The following POU6F2 variants were observed in gnomAD, a reference collection of about 807,000 sequenced individuals.
The protein encoded by POU6F2 is POU domain, class 6, transcription factor 2.
POU6F2 carries 31 observed loss-of-function variants against 71.3 expected under a neutral mutation model. The ratio of observed to expected loss-of-function variants is 0.43; its 90% CI spans 0.33 to 0.59. The LOEUF is 0.59. Ranked by LOEUF, POU6F2 falls within the 20% of genes least tolerant of loss-of-function variation. POU6F2 has a pLI of 0.04. For synonymous variants in POU6F2, 347 were observed against 355.7 expected (o/e 0.98, Z 0.27); for missense variants, 783 against 856.8 (o/e 0.91, Z 1.07).
At chr7:39,138,757 C>T (rs1268586290) in intron 2 of POU6F2, among the ~76,000 whole-genome samples, 30 of 152,164 alleles carry the variant, frequency 2.0e-4, no homozygotes, top group Admixed American at 2.0e-3. Context: ...AAATCATCCC[C>T]AAACCACCCC....
intron 5 of POU6F2, among the ~76,000 whole-genome samples, chr7:39,378,759 A>G (rs771204555): frequency 6.6e-6 from 1 of 152,216 alleles, no homozygotes; most frequent in South Asian, 2.1e-4. Flanking sequence ...AGGAACACCA[A>G]TGTGAAATCC....
At chr7:39,262,775 C>T (rs986789953) in intron 4 of POU6F2, among the ~76,000 whole-genome samples, 7 of 152,092 alleles carry the variant, frequency 4.6e-5, no homozygotes, top group South Asian at 2.1e-4. Flanking sequence ...ACATGAATCA[C>T]GGAGTCGGAC....
intron 2 of POU6F2, among the ~76,000 whole-genome samples, chr7:39,160,607 T>C (rs1562728249): frequency 3.3e-5 from 5 of 152,178 alleles, no homozygotes; most frequent in Non-Finnish European, 1.5e-5. Context: ...TTCTGGACTT[T>C]TGCTCCAGCC....
At chr7:39,406,447 C>CG (rs34498132) in intron 5 of POU6F2, 153 bp from the exon 6 acceptor site, 161 of 793,454 alleles carry the variant, frequency 2.0e-4, no homozygotes, top group African/African-American at 1.7e-3. Context: ...CCAGAGCTTC[C>CG]GGGGGAATGT....
chr7:39,252,490 A>G (rs1476040782), intron 4 of POU6F2, among the ~76,000 whole-genome samples: 1 of 151,982 alleles, frequency 6.6e-6, no homozygotes, highest in African/African-American at 2.4e-5. Flanking sequence ...ACTAACCAAC[A>G]GCTTGAAATA....
At chr7:39,023,527 T>C (rs1789726983) in intron 1 of POU6F2, among the ~76,000 whole-genome samples, 1 of 152,014 alleles carries the variant, frequency 6.6e-6, no homozygotes, top group South Asian at 2.1e-4. Flanking sequence ...CATCCTATAA[T>C]GTACAGGACA....
chr7:39,158,197 A>G (rs1463548625), intron 2 of POU6F2, among the ~76,000 whole-genome samples: 1 of 152,206 alleles, frequency 6.6e-6, no homozygotes, highest in Middle Eastern at 3.2e-3. Context: ...TGTTGCTCAT[A>G]GTACTCAATA....
chr7:39,160,158 A>T (rs77936136), intron 2 of POU6F2, among the ~76,000 whole-genome samples: 98 of 152,298 alleles, frequency 6.4e-4, no homozygotes, highest in Non-Finnish European at 1.2e-3. Context: ...GCCAATATGG[A>T]GCATATGTCA....
rs558969979 is a variant in POU6F2 at position 39,436,120 on chromosome 7, C to A, written c.1320+2837C>A. Among the ~76,000 whole-genome samples the A allele has an allele frequency of 1.5e-4, 23 of 152,180 alleles. 1 individual carries two copies. In the South Asian group the frequency reaches 4.8e-3, roughly 32 times the overall value. On this transcript the variant is annotated intron_variant, in intron 7 of 9. Transcript: ENST00000518318. ...TGGCTATATGGGGTCTTCTTTGATT[C>A]CATATGAAATTTAAAATAGTTTTTT...
At chr7:39,124,473 C>T (rs1395752971) in intron 2 of POU6F2, among the ~76,000 whole-genome samples, 2 of 152,094 alleles carry the variant, frequency 1.3e-5, no homozygotes, top group Non-Finnish European at 2.9e-5. Flanking sequence ...GAATAACTTC[C>T]CAGACGGTGG....
chr7:39,451,407 C>A, intron 7 of POU6F2, 126 bp from the exon 8 acceptor site: 1 of 1,060,592 alleles, frequency 9.4e-7, no homozygotes, highest in Non-Finnish European at 1.3e-6. Flanking sequence ...AGGGTGCGCA[C>A]TCTTCCTGAG....
chr7:39,424,537 A>G (rs1320922621), intron 6 of POU6F2, among the ~76,000 whole-genome samples: 1 of 152,166 alleles, frequency 6.6e-6, no homozygotes, highest in Non-Finnish European at 1.5e-5. Flanking sequence ...TACATTTCCT[A>G]GACACCGATT....
intron 7 of POU6F2, among the ~76,000 whole-genome samples, chr7:39,446,759 GTCC>G (rs1421520880): frequency 6.6e-6 from 1 of 152,188 alleles, no homozygotes; most frequent in East Asian, 1.9e-4. Context: ...TGGACATCCG[GTCC>G]TCCTCCTCTG....
intron 2 of POU6F2, among the ~76,000 whole-genome samples, chr7:39,185,633 G>A (rs528524538): frequency 6.6e-6 from 1 of 152,058 alleles, no homozygotes; most frequent in Non-Finnish European, 1.5e-5. Flanking sequence ...CCTCTTTCAG[G>A]TGATCTCCTG....
At chr7:39,129,630 TAG>T (rs201324981) in intron 2 of POU6F2, among the ~76,000 whole-genome samples, 164 of 109,190 alleles carry the variant, frequency 1.5e-3, no homozygotes, top group Middle Eastern at 4.6e-3. Flanking sequence ...GATATATAGA[TAG>T]ATAGATAGAT....
chr7:39,152,649 G>A (rs940891480), intron 2 of POU6F2, among the ~76,000 whole-genome samples: 1 of 151,974 alleles, frequency 6.6e-6, no homozygotes, highest in Non-Finnish European at 1.5e-5. Context: ...CCCTGACTCG[G>A]CATCCAGCTC....
In POU6F2 at chr7:39,204,274, C is replaced by G. The variant is rs1454397221; in HGVS notation, c.317C>G (p.Pro106Arg). The G allele has an allele frequency of 6.2e-7, 1 of 1,613,854 alleles. No individual in the cohort carries two copies. The highest frequency in any genetic ancestry group is 1.1e-5 in the South Asian group (1 of 91,060). ...CCAGCATTATCAGACCCAGGCACTC[C>G]TGACCAACACCAGGCCAGTCAGACC... ...GNPALSDPGT[P>R]DQHQASQTHP... Residue 106 changes from proline (P) to arginine (R), a missense_variant, in exon 3 of 10, where the codon CCT (proline) becomes CGT (arginine). Pro to Arg is a moderately radical substitution (Grantham distance 103). This residue lies in a region of POU6F2 where 572 missense variants were observed against 572.9 expected (regional missense o/e 1.00). Transcript: ENST00000518318.
At chr7:39,304,781 G>A (rs756492710) in intron 4 of POU6F2, among the ~76,000 whole-genome samples, 1 of 152,164 alleles carries the variant, frequency 6.6e-6, no homozygotes, top group South Asian at 2.1e-4. Flanking sequence ...TAAATTCCTG[G>A]ACAGTTTTAC....
At chr7:39,019,193 T>A (rs1263682048) in intron 1 of POU6F2, among the ~76,000 whole-genome samples, 1 of 152,162 alleles carries the variant, frequency 6.6e-6, no homozygotes, top group Non-Finnish European at 1.5e-5. Flanking sequence ...TTATTTTGTC[T>A]CTACTCTTGA....
Sources: allele counts gnomAD v4.1 joint callset (sites outside exome capture counted in the v4.1 genomes callset), GRCh38; gene constraint gnomAD v4.1.1; regional missense constraint gnomAD v4.1.1; transcripts MANE v1.5; gene names NCBI Gene and HGNC (gene_info 2026-07-23, HGNC 2026-07-21).